ERBIN: variants seen among roughly 807,000 people sequenced by gnomAD.
ERBIN encodes erbb2 interacting protein.
A neutral mutation model predicts 158.4 loss-of-function variants in ERBIN; 60 were observed. The observed-to-expected ratio is 0.38, with a 90% CI of 0.31 to 0.47. The LOEUF (loss-of-function observed/expected upper bound fraction) is 0.47, where lower values mean the gene tolerates loss of function less well. ERBIN is among the 20% of genes least tolerant of loss of function. The pLI, the probability that ERBIN is intolerant of heterozygous loss-of-function variation, is 0.99. For synonymous variants in ERBIN, 594 were observed against 557.2 expected, an observed-to-expected ratio of 1.07 and a Z score of -0.93; for missense variants, 1,610 against 1,648.0, an observed-to-expected ratio of 0.98 and a Z score of 0.40.
intron 1 of ERBIN, among the ~76,000 whole-genome samples, chr5:65,960,762 TC>T (rs1257736437): frequency 6.6e-6 from 1 of 152,226 alleles, no homozygotes; most frequent in Non-Finnish European, 1.5e-5. Flanking sequence ...AGTTTAATCT[TC>T]CCTTAATTTA....
At chr5:65,946,913 A>G (rs1205709185) in intron 1 of ERBIN, among the ~76,000 whole-genome samples, 1 of 151,772 alleles carries the variant, frequency 6.6e-6, no homozygotes, top group Non-Finnish European at 1.5e-5. Context: ...TGTGCTATTC[A>G]ACATCTATAT....
At chr5:65,977,536 T>C (rs865995553) in intron 1 of ERBIN, among the ~76,000 whole-genome samples, 245 of 129,930 alleles carry the variant, frequency 1.9e-3, no homozygotes, top group African/African-American at 7.2e-3. Context: ...AGGGCAGAGG[T>C]GCTCCCCACA....
intron 14 of ERBIN, among the ~76,000 whole-genome samples, chr5:66,033,202 A>G (rs979729856): frequency 2.0e-5 from 3 of 152,222 alleles, no homozygotes; most frequent in Admixed American, 1.3e-4. Flanking sequence ...TTGTAAAAAT[A>G]TATTCACTTT....
intron 1 of ERBIN, among the ~76,000 whole-genome samples, chr5:65,934,117 T>C (rs999168700): frequency 1.3e-5 from 2 of 152,142 alleles, no homozygotes; most frequent in Non-Finnish European, 2.9e-5. Flanking sequence ...AGGGTGGTCT[T>C]GATCTCCTGA....
intron 4 of ERBIN, among the ~76,000 whole-genome samples, chr5:65,997,419 A>G (rs1752552591): frequency 1.3e-5 from 2 of 152,182 alleles, no homozygotes; most frequent in Admixed American, 1.3e-4. Context: ...TGAAATTATT[A>G]AGGCCAGGTA....
chr5:66,074,678 G>A (rs1165758686), intron 22 of ERBIN, among the ~76,000 whole-genome samples: 1 of 152,082 alleles, frequency 6.6e-6, no homozygotes, highest in Admixed American at 6.6e-5. Context: ...GGTATACTAT[G>A]TGCCATTTTA....
chr5:66,045,435 A>ATATGTATATGTATGTATATACATATAGTG (rs1384444680), intron 17 of ERBIN, among the ~76,000 whole-genome samples: 4 of 146,176 alleles, frequency 2.7e-5, no homozygotes, highest in Non-Finnish European at 4.4e-5. Context: ...TAGTATATGT[A>ATATGTATATGTATGTATATACATATAGTG]TATGTATATG....
chr5:66,066,495 C>T (rs918323575), intron 21 of ERBIN, among the ~76,000 whole-genome samples: 2 of 148,078 alleles, frequency 1.4e-5, no homozygotes, highest in African/African-American at 5.2e-5. Flanking sequence ...TTAATAGTCA[C>T]CCCTCTTAAC....
At position 65,992,398 on chromosome 5, in the gene ERBIN, C is replaced by T. The variant is rs375577794; in HGVS notation, c.-9-312C>T. The stretch of plus-strand genomic sequence containing the variant: ...TCCTGACCTCGTGTTCCGCCTGCCT[C>T]GGCCTCCCAAAGTGCTGGGATTACA... On this transcript the variant is annotated intron_variant, in intron 2 of 25. Coordinates refer to ENST00000284037, the MANE Select transcript of ERBIN (RefSeq NM_001253697.2). 5.3e-4 allele frequency among the ~76,000 whole-genome samples: 80 copies of T among 152,166 alleles called. 2 individuals carry two copies. In the South Asian group the frequency reaches 8.7e-3, roughly 17 times the overall value.
intron 3 of ERBIN, 107 bp from the exon 4 acceptor site, chr5:65,994,640 T>C: frequency 1.6e-6 from 1 of 610,846 alleles, no homozygotes; most frequent in Admixed American, 3.4e-5. Flanking sequence ...CTGGTATTAG[T>C]GTAGGTTATA....
At chr5:66,027,016 T>A (rs909636092) in intron 13 of ERBIN, among the ~76,000 whole-genome samples, 3 of 152,054 alleles carry the variant, frequency 2.0e-5, no homozygotes, top group African/African-American at 7.2e-5. Context: ...GAACAATGTT[T>A]AAGTTAAAAA....
chr5:65,982,695 T>C (rs552642079), intron 1 of ERBIN, among the ~76,000 whole-genome samples: 1 of 152,136 alleles, frequency 6.6e-6, no homozygotes, highest in East Asian at 1.9e-4. Flanking sequence ...TACCAAGTGT[T>C]GGTGAGAATG....
chr5:65,995,466 C>T (rs1290812338), intron 4 of ERBIN, among the ~76,000 whole-genome samples: 1 of 148,658 alleles, frequency 6.7e-6, no homozygotes. Context: ...GGGTTTTCTT[C>T]TTTTTAAAGG....
intron 2 of ERBIN, among the ~76,000 whole-genome samples, chr5:65,991,437 A>G (rs1402123659): frequency 6.6e-6 from 1 of 152,206 alleles, no homozygotes; most frequent in Non-Finnish European, 1.5e-5. Context: ...TACAGTAAGA[A>G]TGGATTGTTT....
Position 66,054,511 on chromosome 5 carries a change from C to T in ERBIN, c.3193C>T (p.Leu1065Phe), listed in dbSNP as rs867011611. ...EMWAISPNDR[L>F]IPAVTRSTIQ... ...GTGGGCCATCTCACCAAACGACCGA[C>T]TTATTCCTGCAGTAACTCGAAGTAC... is the stretch of plus-strand genomic sequence containing the variant. Residue 1065 changes from leucine (L) to phenylalanine (F), a missense_variant, in exon 21 of 26, where the codon CTT becomes TTT. Physicochemically the swap from Leu to Phe is conservative, Grantham distance 22 (BLOSUM62 0). Transcript: ENST00000284037. 1 of 1,614,210 alleles carries T rather than the reference C, an allele frequency of 6.2e-7. No homozygotes were observed. Among genetic ancestry groups the T allele is most frequent in the Middle Eastern group, 1.6e-4 (1 of 6,062 alleles).
intron 19 of ERBIN, 49 bp from the exon 20 acceptor site, chr5:66,050,734 C>T (rs1002818386): frequency 1.6e-6 from 2 of 1,242,694 alleles, no homozygotes; most frequent in Admixed American, 2.6e-5. Flanking sequence ...AAGAATTTCA[C>T]ACAATTCTTG....
rs139347468 is a variant in ERBIN at position 66,026,357 on chromosome 5, C to G, written c.1076C>G (p.Thr359Arg). ...TTTCTCCATTCCAATAAACTTGAGA[C>G]ACTTCCAGAGGAAATGGGTGATATG... ...VLFLHSNKLE[T>R]LPEEMGDMQK... is the part of the protein sequence containing the mutation. The change falls in exon 13 of 26, where the codon ACA (threonine) becomes AGA (arginine). Residue 359 changes from threonine to arginine, a missense_variant. Thr to Arg is a moderately conservative substitution (Grantham distance 71). This residue lies in a region of ERBIN where 596 missense variants were observed against 711.9 expected (regional missense o/e 0.84). Transcript: ENST00000284037. 19 of 1,600,472 alleles carry G rather than the reference C, an allele frequency of 1.2e-5. No individual in the cohort carries two copies. The African/African-American group carries it at 2.4e-4, about 21-fold the overall frequency.
At chr5:66,035,819 C>T (rs944885842) in intron 14 of ERBIN, among the ~76,000 whole-genome samples, 1 of 152,084 alleles carries the variant, frequency 6.6e-6, no homozygotes. Context: ...TCAGACTGGG[C>T]GTGGTGGCTT....
chr5:65,983,622 A>G (rs1404278781), intron 1 of ERBIN, among the ~76,000 whole-genome samples: 1 of 146,268 alleles, frequency 6.8e-6, no homozygotes, highest in East Asian at 1.9e-4. Flanking sequence ...ATACCATCTA[A>G]TAGGTGTGGG....
Sources: gnomAD v4.1 joint callset for allele counts (sites outside exome capture counted in the v4.1 genomes callset) on GRCh38, gnomAD v4.1.1 for gene constraint, gnomAD v4.1.1 regional missense constraint, MANE v1.5 for transcripts, NCBI Gene and HGNC (gene_info 2026-07-23, HGNC 2026-07-21) for gene names.